Variants in PDE8A observed in about 807,000 individuals in gnomAD.
PDE8A encodes the protein high affinity cAMP-specific and IBMX-insensitive 3',5'-cyclic phosphodiesterase 8A.
A neutral mutation model predicts 105.0 loss-of-function variants in PDE8A; 59 were observed. That is an observed-to-expected ratio of 0.56 (90% CI 0.46 to 0.70). PDE8A has a LOEUF of 0.70. Among genes scored for constraint, PDE8A ranks in the 30% least tolerant of loss-of-function variants. The pLI is 0.00. For missense variants in PDE8A, 1,014 were observed against 1,045.9 expected, an observed-to-expected ratio of 0.97 and a Z score of 0.42; for synonymous variants, 355 against 371.9, an observed-to-expected ratio of 0.95 and a Z score of 0.52.
At chr15:85,084,147 A>T (rs1006488035) in intron 6 of PDE8A, among the ~76,000 whole-genome samples, 3 of 152,014 alleles carry the variant, frequency 2.0e-5, no homozygotes, top group African/African-American at 7.3e-5. Context: ...AGCTTGACAA[A>T]AGAAAAATAA....
At position 85,113,985 on chromosome 15, in the gene PDE8A, G is replaced by A. The variant is rs1391937311; in HGVS notation, c.1298G>A (p.Gly433Asp). ...ACTGAGTTATATTCACCACAGTTTG[G>A]TGCTAAAGATGATGATCCCCATGCC... ...RTTELYSPQF[G>D]AKDDDPHAND... Residue 433 changes from glycine (G) to aspartate (D), a missense_variant, in exon 14 of 22, where the codon GGT becomes GAT. Transcript: ENST00000394553. 1.9e-6 allele frequency: 3 copies of A among 1,613,884 alleles called. No homozygotes were observed. The highest frequency in any genetic ancestry group is 2.2e-5 in the South Asian group (2 of 91,090).
chr15:85,085,591 A>G (rs1234789767), intron 6 of PDE8A, among the ~76,000 whole-genome samples: 2 of 151,800 alleles, frequency 1.3e-5, no homozygotes, highest in East Asian at 1.9e-4. Flanking sequence ...CCAGCTACTC[A>G]GGAGGCTGAG....
intron 1 of PDE8A, among the ~76,000 whole-genome samples, chr15:85,007,694 A>G (rs1330057383): frequency 6.6e-6 from 1 of 152,114 alleles, no homozygotes; most frequent in Non-Finnish European, 1.5e-5. Context: ...TAATACGTAC[A>G]TCACAGGAGT....
At chr15:85,133,167 G>T (rs144264371) in intron 20 of PDE8A, among the ~76,000 whole-genome samples, 16 of 152,248 alleles carry the variant, frequency 1.1e-4, no homozygotes, top group African/African-American at 3.4e-4. Context: ...TATATACACA[G>T]CTGCTTTCAG....
chr15:85,092,095 G>T (rs900498177), intron 8 of PDE8A, among the ~76,000 whole-genome samples: 6 of 151,996 alleles, frequency 3.9e-5, no homozygotes, highest in Non-Finnish European at 8.8e-5. Flanking sequence ...CAGGGGCAGG[G>T]TGCTGTGCAA....
chr15:85,051,853 G>A (rs936010367), intron 1 of PDE8A, among the ~76,000 whole-genome samples: 7 of 151,962 alleles, frequency 4.6e-5, no homozygotes, highest in African/African-American at 1.7e-4. Context: ...TTAAGTTCTA[G>A]GGTACATGTG....
intron 5 of PDE8A, among the ~76,000 whole-genome samples, chr15:85,081,999 G>A (rs922462762): frequency 6.6e-6 from 1 of 152,102 alleles, no homozygotes; most frequent in African/African-American, 2.4e-5. Context: ...TACCTGCGGA[G>A]GAACTGAGGA....
intron 3 of PDE8A, among the ~76,000 whole-genome samples, chr15:85,070,985 C>T (rs1211183294): frequency 6.6e-6 from 1 of 152,076 alleles, no homozygotes; most frequent in South Asian, 2.1e-4. Flanking sequence ...CTCCTCCCAA[C>T]TTCCTATCAA....
intron 1 of PDE8A, among the ~76,000 whole-genome samples, chr15:84,992,090 TAA>T (rs1333037718): frequency 6.6e-6 from 1 of 152,236 alleles, no homozygotes; most frequent in East Asian, 1.9e-4. Context: ...TTTAAGGACT[TAA>T]ATGTTTAGCA....
intron 8 of PDE8A, among the ~76,000 whole-genome samples, chr15:85,096,962 C>T (rs1214341504): frequency 2.0e-5 from 3 of 152,080 alleles, no homozygotes; most frequent in African/African-American, 7.2e-5. Flanking sequence ...TGCCATGTAC[C>T]AAACAAGAAT....
intron 6 of PDE8A, among the ~76,000 whole-genome samples, chr15:85,087,869 A>G (rs1303007556): frequency 6.6e-6 from 1 of 152,198 alleles, no homozygotes; most frequent in African/African-American, 2.4e-5. Context: ...AACATTTTTC[A>G]ATGCTTATTG....
intron 1 of PDE8A, among the ~76,000 whole-genome samples, chr15:85,020,137 T>G (rs530610778): frequency 1.3e-5 from 2 of 152,080 alleles, no homozygotes; most frequent in Admixed American, 1.3e-4. Flanking sequence ...CATTGGCAAA[T>G]AATAGGTATT....
chr15:85,065,050 TAGAG>T (rs555349564), intron 2 of PDE8A, among the ~76,000 whole-genome samples: 24 of 151,752 alleles, frequency 1.6e-4, no homozygotes, highest in Admixed American at 9.8e-4. Context: ...TGTATGTGTT[TAGAG>T]AGAGAGAGAA....
intron 1 of PDE8A, among the ~76,000 whole-genome samples, chr15:85,013,820 C>T (rs533911141): frequency 4.6e-5 from 7 of 152,166 alleles, no homozygotes; most frequent in Non-Finnish European, 1.0e-4. Flanking sequence ...AGTGGGCCAG[C>T]GGATTCACTT....
At chr15:85,020,270 G>C (rs1233825226) in intron 1 of PDE8A, among the ~76,000 whole-genome samples, 1 of 152,024 alleles carries the variant, frequency 6.6e-6, no homozygotes, top group Non-Finnish European at 1.5e-5. Context: ...TGTGGTTTTG[G>C]CGAGTTTTTC....
upstream of PDE8A, among the ~76,000 whole-genome samples, chr15:84,981,190 T>C (rs184500139): frequency 0.01 from 1,546 of 152,318 alleles, 32 homozygotes; most frequent in African/African-American, 0.035. Context: ...TGTGTGTCCC[T>C]GGGCAAGTCT....
chr15:85,091,923 C>CTTTTTTTTTTTTTTTTTTTTT (rs1165867056), intron 8 of PDE8A, among the ~76,000 whole-genome samples: 5 of 51,042 alleles, frequency 9.8e-5, no homozygotes, highest in Non-Finnish European at 1.6e-4. Flanking sequence ...TTTTTTTTTG[C>CTTTTTTTTTTTTTTTTTTTTT]TTTTGGAAGT....
Position 85,067,194 on chromosome 15 carries a change from G to A in PDE8A, c.424G>A (p.Ala142Thr), listed in dbSNP as rs775187744. 1 of 1,612,900 alleles carries A rather than the reference G, an allele frequency of 6.2e-7. No homozygotes were observed. The highest frequency in any genetic ancestry group is 1.1e-5 in the South Asian group (1 of 90,936). The change falls in exon 3 of 22, where the codon GCA becomes ACA. Residue 142 changes from alanine to threonine, a missense_variant. Transcript: ENST00000394553. ...AAATCCTCGACAGCTGGATGCAGAG[G>A]CACTGTGCAGGTAAGCCCAAGACTC... ...HRNPRQLDAE[A>T]LCRSIRSSKL...
At chr15:85,040,906 T>C (rs1489433092) in intron 1 of PDE8A, among the ~76,000 whole-genome samples, 1 of 152,180 alleles carries the variant, frequency 6.6e-6, no homozygotes, top group Non-Finnish European at 1.5e-5. Flanking sequence ...ATTGTAGATC[T>C]CATTGTCTTT....
Sources: gnomAD v4.1 joint callset for allele counts (sites outside exome capture counted in the v4.1 genomes callset) on GRCh38, gnomAD v4.1.1 for gene constraint, MANE v1.5 for transcripts, NCBI Gene and HGNC (gene_info 2026-07-23, HGNC 2026-07-21) for gene names.